HAP1: variants seen among roughly 807,000 people sequenced by gnomAD.
HAP1 encodes the protein huntingtin-associated protein 1.
HAP1 carries 59 observed loss-of-function variants against 60.3 expected under a neutral mutation model. The ratio of observed to expected loss-of-function variants is 0.98; its 90% CI spans 0.79 to 1.22. HAP1 has a LOEUF of 1.22. HAP1 is among the 50% of genes most tolerant of loss of function. The pLI, the probability that HAP1 is intolerant of heterozygous loss-of-function variation, is 0.00. For synonymous variants in HAP1, 346 were observed against 330.6 expected (o/e 1.05, Z -0.50); for missense variants, 825 against 785.3 (o/e 1.05, Z -0.60).
At chr17:41,732,184 G>C (rs1912264665) in intron 3 of HAP1, 46 bp downstream of exon 3, 2 of 1,610,712 alleles carry the variant, frequency 1.2e-6, no homozygotes, top group East Asian at 2.2e-5. Context: ...CCTGGCATGA[G>C]GCAGGTGTAG....
At position 41,727,150 on chromosome 17, in the gene HAP1, G is replaced by T. The variant is rs781819059; in HGVS notation, c.1276-6C>A. On this transcript the variant is annotated splice_polypyrimidine_tract_variant and splice_region_variant and intron_variant, in intron 8 of 10. Transcript: ENST00000347901. ...TGGAAACCAGGAAGAGTCTCCTATG[G>T]TGGAGAGAACAGACGTTACCAGAGG... 5.3e-6 allele frequency: 8 copies of T among 1,523,152 alleles called. No individual in the cohort carries two copies. The highest frequency in any genetic ancestry group is 1.7e-4 in the Middle Eastern group (1 of 5,892). 94.4% of individuals were successfully genotyped at this position (1,523,152 alleles called of 1,614,324 possible). A position where few individuals can be genotyped will look rare whatever the true frequency, so the allele number is the denominator to read the frequency against.
At position 41,724,576 on chromosome 17, in the gene HAP1, G is replaced by T. The variant is rs781881693; in HGVS notation, c.*125C>A. On this transcript the variant is annotated 3_prime_UTR_variant, in exon 11 of 11. Coordinates refer to ENST00000347901, the MANE Select transcript of HAP1 (RefSeq NM_177977.3). ...CCACATAAATGAGCACTGACACTAC[G>T]GTTCCCACTGAAGGGGATCAGAGGT... The T allele has an allele frequency of 4.3e-6, 3 of 705,878 alleles. No homozygotes were observed. The highest frequency in any genetic ancestry group is 7.3e-6 in the Non-Finnish European group (3 of 410,128). 43.7% of individuals were successfully genotyped at this position (705,878 alleles called of 1,614,324 possible). A position where few individuals can be genotyped will look rare whatever the true frequency, so the allele number is the denominator to read the frequency against.
At chr17:41,726,383 A>G (rs1253044773) in intron 9 of HAP1, among the ~76,000 whole-genome samples, 2 of 145,416 alleles carry the variant, frequency 1.4e-5, no homozygotes, top group East Asian at 4.1e-4. Context: ...CAACCTGGAC[A>G]ACAAAACAAG....
Position 41,724,716 on chromosome 17 carries a change from T to C in HAP1, c.1845A>G (p.Arg615=). 1 of 1,593,490 alleles carries C rather than the reference T, an allele frequency of 6.3e-7. No homozygotes were observed. Among genetic ancestry groups the C allele is most frequent in the Non-Finnish European group, 8.6e-7 (1 of 1,164,888 alleles). Residue 615 remains arginine (R), a synonymous_variant, in exon 11 of 11, where the codon AGA becomes AGG. Coordinates refer to ENST00000347901, the MANE Select transcript of HAP1 (RefSeq NM_177977.3). The stretch of plus-strand genomic sequence containing the variant: ...CCCTCTCTTTTCATCGGCACGACGA[T>C]CTGCAGCTTGTCCGGCTGGCGGCAG... ...ALPAASRTSC[R]SSCR is the part of the protein sequence containing the mutation.
At chr17:41,730,914 C>T (rs1555590666) in intron 6 of HAP1, among the ~76,000 whole-genome samples, 1 of 57,186 alleles carries the variant, frequency 1.7e-5, no homozygotes, top group African/African-American at 7.6e-5. Context: ...AGGAGACCCA[C>T]CTTTTTTTTT....
In HAP1 at chr17:41,731,478, GACA is replaced by G. The variant is rs1439258562; in HGVS notation, c.1069+12_1069+14del. On this transcript the variant is annotated intron_variant, in intron 6 of 10. Coordinates refer to ENST00000347901, the MANE Select transcript of HAP1 (RefSeq NM_177977.3). ...CTTGGGACAACCCCCCACCCCGAGT[GACA>G]ACATTACGTACAAAACTGCTCCACA... 4 of 1,577,328 alleles carry G rather than the reference GACA, an allele frequency of 2.5e-6. No individual in the cohort carries two copies. The East Asian group carries it at 8.9e-5, about 35-fold the overall frequency.
chr17:41,721,858 C>T (rs1911225808), downstream of HAP1: 1 of 151,154 alleles, frequency 6.6e-6, no homozygotes, highest in African/African-American at 2.4e-5. Flanking sequence ...GCATGAGCCA[C>T]CGCGCCTGGC....
rs146404340 is a variant in HAP1, at chr17:41,731,717, T to G, written c.923A>C (p.Gln308Pro). 400 of 1,613,648 alleles carry G rather than the reference T, an allele frequency of 2.5e-4. No individual in the cohort carries two copies. Among genetic ancestry groups the G allele is most frequent in the South Asian group, 4.2e-4 (38 of 91,072 alleles). The change falls in exon 5 of 11, where the codon CAG becomes CCG. Residue 308 changes from glutamine (Q) to proline (P), a missense_variant. Gln to Pro is a moderately conservative substitution (Grantham distance 76). Transcript: ENST00000347901. ...GGCTTCCAGCTGTGGGCAGTGGTGC[T>G]GGTGCAGCAATGCCTCCTGCGAAAT... Reference protein sequence around the residue: ...KLISQEALLHQHHCPQLEALQ... With the variant: ...KLISQEALLHPHHCPQLEALQ...
chr17:41,727,230 A>C, intron 8 of HAP1, 86 bp from the exon 9 acceptor site: 78 of 819,094 alleles, frequency 9.5e-5, no homozygotes, highest in Middle Eastern at 2.2e-4. Context: ...CTGGGATCTC[A>C]ATCAGCCACC....
rs1410684502 is a variant in HAP1 at position 41,723,550 on chromosome 17, C to T, written c.*1151G>A. On this transcript the variant is annotated 3_prime_UTR_variant, in exon 11 of 11. Transcript: ENST00000347901. ...GGAACAGCAAAGCCTGGAAGAGAAG[C>T]AGGTGGATGTGAACTGGGGCATTGA... 3 of 152,768 alleles carry T rather than the reference C, an allele frequency of 2.0e-5. No homozygotes were observed. The Admixed American group carries it at 2.0e-4, about 10-fold the overall frequency. 9.5% of individuals were successfully genotyped at this position (152,768 alleles called of 1,614,324 possible).
At chr17:41,733,800 C>T (rs1353654997) in intron 1 of HAP1, among the ~76,000 whole-genome samples, 3 of 151,676 alleles carry the variant, frequency 2.0e-5, no homozygotes, top group Admixed American at 2.0e-4. Context: ...CCCGGTCGGC[C>T]AGCGCAGACT....
At position 41,724,532 on chromosome 17, in the gene HAP1, C is replaced by A; in HGVS notation, c.*169G>T. 1.6e-6 allele frequency: 1 copy of A among 615,086 alleles called. No homozygotes were observed. The highest frequency in any genetic ancestry group is 2.9e-6 in the Non-Finnish European group (1 of 348,542). The allele number at this position is 615,086 out of a possible 1,614,324, so 38.1% of individuals were successfully genotyped here. On this transcript the variant is annotated 3_prime_UTR_variant, in exon 11 of 11. Transcript: ENST00000347901. ...CCCCAGGAGAAAAGTGGATGGAGAT[C>A]TGGAATCCTAAGCAAATGCCACATA...
chr17:41,717,805 C>T (rs1911039001), downstream of HAP1: 4 of 300,658 alleles, frequency 1.3e-5, no homozygotes, highest in South Asian at 1.2e-4. Context: ...GTGACAAGTC[C>T]CTCCTCCCTT....
chr17:41,724,657 G>C lies in HAP1; in HGVS notation c.*44C>G. ...AAATAAGCACAGCAGGTAGAGCCAG[G>C]CTGGGGCAGGTGAGCACTCGGGGAG... On this transcript the variant is annotated 3_prime_UTR_variant, in exon 11 of 11. Coordinates refer to ENST00000347901, the MANE Select transcript of HAP1 (RefSeq NM_177977.3). 1 of 1,421,330 alleles carries C rather than the reference G, an allele frequency of 7.0e-7. No individual in the cohort carries two copies. Among genetic ancestry groups the C allele is most frequent in the South Asian group, 1.3e-5 (1 of 79,486 alleles). The allele number at this position is 1,421,330 out of a possible 1,614,324, so 88.0% of individuals were successfully genotyped here. A position where few individuals can be genotyped will look rare whatever the true frequency, so the allele number is the denominator to read the frequency against.
downstream of HAP1, among the ~76,000 whole-genome samples, chr17:41,719,909 A>C (rs1555586699): frequency 2.1e-5 from 1 of 47,044 alleles, no homozygotes; most frequent in African/African-American, 4.8e-5. Flanking sequence ...TTTTTTTTTG[A>C]GACAGAGTCT....
At chr17:41,727,267 G>T (rs1555589119) in intron 8 of HAP1, 123 bp from the exon 9 acceptor site, 1 of 785,744 alleles carries the variant, frequency 1.3e-6, no homozygotes, top group Admixed American at 1.7e-5. Flanking sequence ...CACAGACGTA[G>T]GAAAGTGGGC....
At chr17:41,722,266 C>T (rs1324817087), downstream of HAP1, 5 of 152,394 alleles carry the variant, frequency 3.3e-5, no homozygotes, top group African/African-American at 1.2e-4. Context: ...TTCCTAAACC[C>T]TGTTCCAGGT....
In HAP1 at chr17:41,725,870, T is replaced by C; in HGVS notation, c.1395A>G (p.Thr465=). ...ERNYEMPRGD[T]SSLRYDFRYS... ...CCTGGCAGGCTTACCTTAGGCTGGATGTGTCCCCTCTGGGCATCTCATAAT... is the reference window on the plus strand; with the variant it reads ...CCTGGCAGGCTTACCTTAGGCTGGACGTGTCCCCTCTGGGCATCTCATAAT... Residue 465 remains threonine (T), a synonymous_variant, in exon 10 of 11, where the codon ACA becomes ACG. Coordinates refer to ENST00000347901, the MANE Select transcript of HAP1 (RefSeq NM_177977.3). 6.2e-6 allele frequency: 10 copies of C among 1,613,040 alleles called. No homozygotes were observed. In the East Asian group the frequency reaches 8.9e-5, roughly 14 times the overall value.
chr17:41,733,262 G>C (rs1412246872), intron 1 of HAP1, among the ~76,000 whole-genome samples: 1 of 150,778 alleles, frequency 6.6e-6, no homozygotes, highest in Admixed American at 6.6e-5. Context: ...ATGTTGGCCA[G>C]GCTGGTCTCG....
Sources: allele counts gnomAD v4.1 joint callset (sites outside exome capture counted in the v4.1 genomes callset), GRCh38; gene constraint gnomAD v4.1.1; transcripts MANE v1.5; gene names NCBI Gene and HGNC (gene_info 2026-07-23, HGNC 2026-07-21).